The following SPTBN1 variants were observed in gnomAD, a reference collection of about 807,000 sequenced individuals.
SPTBN1 encodes spectrin beta, non-erythrocytic 1.
SPTBN1 carries 32 observed loss-of-function variants against 266.4 expected under a neutral mutation model. The observed-to-expected ratio is 0.12, with a 90% CI of 0.09 to 0.16. SPTBN1 has a LOEUF of 0.16. Ranked by LOEUF, SPTBN1 falls within the 10% of genes least tolerant of loss-of-function variation. The pLI, the probability that SPTBN1 is intolerant of heterozygous loss-of-function variation, is 1.00. For synonymous variants in SPTBN1, 1,336 were observed against 1,162.2 expected (o/e 1.15, Z -3.04); for missense variants, 2,296 against 3,067.1 (o/e 0.75, Z 5.94).
chr2:54,483,066 G>A (rs1231202682), intron 1 of SPTBN1, among the ~76,000 whole-genome samples: 2 of 152,194 alleles, frequency 1.3e-5, no homozygotes, highest in Non-Finnish European at 2.9e-5. Context: ...AGAGAATGCA[G>A]CTTTATTCTT....
At position 54,664,754 on chromosome 2, in the gene SPTBN1, C is replaced by T. The variant is rs41281497; in HGVS notation, c.6659+63C>T. 1.8e-5 allele frequency: 27 copies of T among 1,519,954 alleles called. No homozygotes were observed. Among genetic ancestry groups the T allele is most frequent in the Non-Finnish European group, 2.4e-5 (27 of 1,106,536 alleles). The allele number at this position is 1,519,954 out of a possible 1,614,324, so 94.2% of individuals were successfully genotyped here. Reference sequence around the variant, plus strand: ...TCAGCCTGTGAAGGGATAAGGCGGGCCACTCTTGAATTGGAAGAGAAGTAT... The same window carrying T: ...TCAGCCTGTGAAGGGATAAGGCGGGTCACTCTTGAATTGGAAGAGAAGTAT... On this transcript the variant is annotated intron_variant, in intron 33 of 35. Transcript: ENST00000356805. This position sits in a 1 kb window ranked among gnomAD's most constrained non-coding sequence, Gnocchi z 5.6.
chr2:54,523,410 A>G (rs769048451), intron 1 of SPTBN1, among the ~76,000 whole-genome samples: 1 of 152,236 alleles, frequency 6.6e-6, no homozygotes, highest in Non-Finnish European at 1.5e-5. Context: ...GTTGTGGCTC[A>G]GTGGTAAAGT....
At chr2:54,559,023 T>G in intron 2 of SPTBN1, 1 of 993,436 alleles carries the variant, frequency 1.0e-6, no homozygotes, top group Non-Finnish European at 1.4e-6. Flanking sequence ...GGCACCCCAT[T>G]CACGACTTAG....
At chr2:54,560,785 T>G (rs1242902851) in intron 2 of SPTBN1, among the ~76,000 whole-genome samples, 1 of 152,218 alleles carries the variant, frequency 6.6e-6, no homozygotes, top group African/African-American at 2.4e-5. Flanking sequence ...AAACCACCCA[T>G]GTTGAGGAAT....
At chr2:54,467,655 G>T (rs1242671689) in intron 1 of SPTBN1, among the ~76,000 whole-genome samples, 2 of 152,092 alleles carry the variant, frequency 1.3e-5, no homozygotes, top group African/African-American at 2.4e-5. Flanking sequence ...AAAATTCTGG[G>T]ATTACAGGCG....
intron 2 of SPTBN1, among the ~76,000 whole-genome samples, chr2:54,556,289 A>T (rs575724845): frequency 1.3e-5 from 2 of 152,092 alleles, no homozygotes; most frequent in East Asian, 3.8e-4. Flanking sequence ...CCAGTGTCCA[A>T]ACCTTTCTAA....
intron 7 of SPTBN1, among the ~76,000 whole-genome samples, chr2:54,620,510 A>G (rs1305166375): frequency 3.3e-5 from 5 of 152,322 alleles, no homozygotes; most frequent in East Asian, 1.9e-4. Flanking sequence ...AGTGCTAGGT[A>G]CAGTGGCTCT....
At chr2:54,587,573 T>C (rs1462198239) in intron 2 of SPTBN1, among the ~76,000 whole-genome samples, 1 of 152,138 alleles carries the variant, frequency 6.6e-6, no homozygotes, top group Admixed American at 6.5e-5. Flanking sequence ...TGGATTGAAG[T>C]CCCCTTCCAT....
intron 1 of SPTBN1, among the ~76,000 whole-genome samples, chr2:54,490,079 A>ATTT (rs11326998): frequency 7.4e-6 from 1 of 135,424 alleles, no homozygotes. Flanking sequence ...AAGTTTATGA[A>ATTT]TTTTTTTTTT....
chr2:54,631,528 A>C lies in SPTBN1; in HGVS notation c.3481A>C (p.Arg1161=). 1 of 1,614,214 alleles carries C rather than the reference A, an allele frequency of 6.2e-7. No individual in the cohort carries two copies. Among genetic ancestry groups the C allele is most frequent in the Non-Finnish European group, 8.5e-7 (1 of 1,180,040 alleles). ...CGAGCTCCACAAGATGTGGGAGAACAGACAAAATCTCCTATCCCAGTCACA... is the reference window on the plus strand; with the variant it reads ...CGAGCTCCACAAGATGTGGGAGAACCGACAAAATCTCCTATCCCAGTCACA... The part of the protein sequence containing the change: ...WNELHKMWEN[R]QNLLSQSHAY... Residue 1161 remains arginine, a synonymous_variant, in exon 16 of 36, where the codon AGA becomes CGA. Transcript: ENST00000356805.
At chr2:54,565,432 C>A (rs1393284558) in intron 2 of SPTBN1, among the ~76,000 whole-genome samples, 1 of 152,208 alleles carries the variant, frequency 6.6e-6, no homozygotes, top group Non-Finnish European at 1.5e-5. Flanking sequence ...TCTCAGCCAC[C>A]TCTTCTGCCT....
At chr2:54,601,682 T>C (rs1218554195) in intron 3 of SPTBN1, among the ~76,000 whole-genome samples, 1 of 152,174 alleles carries the variant, frequency 6.6e-6, no homozygotes, top group Non-Finnish European at 1.5e-5. Flanking sequence ...TCAGCCAGCA[T>C]TTTAGCCCCA....
intron 19 of SPTBN1, 122 bp downstream of exon 19, chr2:54,643,251 A>T: frequency 7.3e-7 from 1 of 1,369,696 alleles, no homozygotes; most frequent in South Asian, 1.5e-5. Flanking sequence ...TAAGTTACAC[A>T]GCCAGTAATA....
intron 9 of SPTBN1, 113 bp downstream of exon 9, chr2:54,622,600 T>TTA: frequency 1.7e-5 from 21 of 1,205,898 alleles, no homozygotes; most frequent in Non-Finnish European, 2.5e-5. Context: ...TGCCTTTCAG[T>TTA]AGTGTGTCCT....
At chr2:54,536,397 A>C (rs1671602075) in intron 2 of SPTBN1, among the ~76,000 whole-genome samples, 1 of 152,198 alleles carries the variant, frequency 6.6e-6, no homozygotes, top group Admixed American at 6.5e-5. Context: ...GATACCATTC[A>C]ATTTAATTTT....
intron 1 of SPTBN1, among the ~76,000 whole-genome samples, chr2:54,520,139 G>C (rs1670350301): frequency 6.6e-6 from 1 of 152,306 alleles, no homozygotes; most frequent in South Asian, 2.1e-4. Flanking sequence ...ATGCTGGAAA[G>C]TAGCCTGGGG....
In SPTBN1 at chr2:54,664,139, G is replaced by A; in HGVS notation, c.6421-314G>A. The A allele has an allele frequency of 4.2e-6, 1 of 239,990 alleles. No homozygotes were observed. The highest frequency in any genetic ancestry group is 8.0e-6 in the Non-Finnish European group (1 of 124,748). The allele number at this position is 239,990 out of a possible 1,614,324, so 14.9% of individuals were successfully genotyped here. On this transcript the variant is annotated intron_variant, in intron 32 of 35. Coordinates refer to ENST00000356805, the MANE Select transcript of SPTBN1 (RefSeq NM_003128.3). This position sits in a 1 kb window ranked among gnomAD's most constrained non-coding sequence, Gnocchi z 5.6. The stretch of plus-strand genomic sequence containing the variant: ...TTTAATATGTGTGATTGTTACTGTT[G>A]TCTTTTTGTTTTAAAGTAACCATAA...
chr2:54,576,841 G>A (rs1041444686), intron 2 of SPTBN1, among the ~76,000 whole-genome samples: 3 of 152,210 alleles, frequency 2.0e-5, no homozygotes, highest in African/African-American at 7.2e-5. Context: ...GGGAATACTA[G>A]GTAAGTGATC....
At chr2:54,630,118 C>G in intron 15 of SPTBN1, 89 bp downstream of exon 15, 1 of 1,508,510 alleles carries the variant, frequency 6.6e-7, no homozygotes. Flanking sequence ...TTGGGAATTT[C>G]CCACATGGGG....
Sources: allele counts gnomAD v4.1 joint callset (sites outside exome capture counted in the v4.1 genomes callset), GRCh38; gene constraint gnomAD v4.1.1; non-coding constraint Gnocchi (gnomAD v3.1); transcripts MANE v1.5; gene names NCBI Gene and HGNC (gene_info 2026-07-23, HGNC 2026-07-21).